Variants in ABLIM1 observed in about 807,000 individuals in gnomAD.
ABLIM1 encodes actin-binding LIM protein 1.
In ABLIM1, 40 loss-of-function variants were observed where a neutral mutation model predicts 107.0. That is an observed-to-expected ratio of 0.37 (90% CI 0.29 to 0.49). The LOEUF (loss-of-function observed/expected upper bound fraction) is 0.49. ABLIM1 is among the 20% of genes least tolerant of loss of function. The pLI is 0.97. For missense variants in ABLIM1, 857 were observed against 1,008.5 expected (o/e 0.85, Z 2.04); for synonymous variants, 357 against 357.3 (o/e 1.00, Z 0.01).
At chr10:114,474,135 C>T (rs2067111237) in intron 8 of ABLIM1, among the ~76,000 whole-genome samples, 179 bp from the exon 9 acceptor site, 2 of 152,152 alleles carry the variant, frequency 1.3e-5, no homozygotes, top group Non-Finnish European at 2.9e-5. Context: ...TTGTACGATC[C>T]AGTTTTGAAA....
chr10:114,721,004 G>A (rs1179561921), intron 1 of ABLIM1, among the ~76,000 whole-genome samples: 1 of 152,208 alleles, frequency 6.6e-6, no homozygotes, highest in Non-Finnish European at 1.5e-5. Context: ...CTAAGCCAGG[G>A]TCAGCACACC....
intron 1 of ABLIM1, among the ~76,000 whole-genome samples, chr10:114,745,929 G>T (rs1480443000): frequency 6.6e-6 from 1 of 152,114 alleles, no homozygotes; most frequent in Non-Finnish European, 1.5e-5. Context: ...AATATTAGAG[G>T]CTCCAAAACA....
intron 4 of ABLIM1, 80 bp from the exon 5 acceptor site, chr10:114,547,856 G>T: frequency 6.5e-7 from 1 of 1,543,082 alleles, no homozygotes; most frequent in Non-Finnish European, 8.8e-7. Context: ...CAACCCCACT[G>T]TGTGCCCATC....
chr10:114,475,264 A>G (rs1475449346), intron 8 of ABLIM1, among the ~76,000 whole-genome samples: 4 of 151,970 alleles, frequency 2.6e-5, no homozygotes, highest in Admixed American at 2.6e-4. Context: ...CTAGCTCCCA[A>G]TTTTACTTGG....
chr10:114,682,646 A>G (rs1159064031), intron 1 of ABLIM1, among the ~76,000 whole-genome samples: 1 of 152,178 alleles, frequency 6.6e-6, no homozygotes, highest in African/African-American at 2.4e-5. Context: ...CTGAGCTTCA[A>G]GTCAACTGCT....
At chr10:114,622,618 G>T (rs2077540953) in intron 1 of ABLIM1, among the ~76,000 whole-genome samples, 1 of 151,990 alleles carries the variant, frequency 6.6e-6, no homozygotes, top group South Asian at 2.1e-4. Context: ...ATAAACAGAA[G>T]AAAAAATACA....
At chr10:114,538,041 C>T (rs1180837853) in intron 6 of ABLIM1, among the ~76,000 whole-genome samples, 1 of 152,130 alleles carries the variant, frequency 6.6e-6, no homozygotes, top group Non-Finnish European at 1.5e-5. Flanking sequence ...ATAGCTTAGC[C>T]CAGAACAAGA....
intron 1 of ABLIM1, among the ~76,000 whole-genome samples, chr10:114,763,905 G>A (rs2082815363): frequency 6.6e-6 from 1 of 152,060 alleles, no homozygotes; most frequent in South Asian, 2.1e-4. Context: ...CAGTACCTTT[G>A]ATAAACACTC....
At chr10:114,723,458 A>G (rs964071130) in intron 1 of ABLIM1, among the ~76,000 whole-genome samples, 3 of 152,206 alleles carry the variant, frequency 2.0e-5, no homozygotes, top group Non-Finnish European at 2.9e-5. Context: ...ACCTTGGAGG[A>G]CAAATTTAGG....
chr10:114,651,590 C>T (rs2079245497), intron 1 of ABLIM1, among the ~76,000 whole-genome samples: 3 of 152,010 alleles, frequency 2.0e-5, no homozygotes, highest in Admixed American at 2.0e-4. Flanking sequence ...AAAGGCTTAA[C>T]CGTCAAGAGC....
intron 6 of ABLIM1, among the ~76,000 whole-genome samples, chr10:114,497,794 T>A (rs1402697714): frequency 6.6e-6 from 1 of 151,998 alleles, no homozygotes; most frequent in Non-Finnish European, 1.5e-5. Context: ...TATGAACAAC[T>A]GACAATTTGC....
intron 1 of ABLIM1, among the ~76,000 whole-genome samples, chr10:114,668,673 A>G (rs2080126468): frequency 6.6e-6 from 1 of 152,172 alleles, no homozygotes; most frequent in South Asian, 2.1e-4. Context: ...AGGCATCAAA[A>G]AGAATCCCAA....
intron 1 of ABLIM1, among the ~76,000 whole-genome samples, chr10:114,721,495 T>A (rs138506844): frequency 6.6e-6 from 1 of 152,270 alleles, no homozygotes; most frequent in East Asian, 1.9e-4. Context: ...AGATAATTTT[T>A]TTTTTTGAGA....
intron 13 of ABLIM1, 41 bp downstream of exon 13, chr10:114,453,338 C>T: frequency 6.3e-7 from 1 of 1,596,066 alleles, no homozygotes; most frequent in Non-Finnish European, 8.6e-7. Flanking sequence ...ACATTCTACA[C>T]TGTGACAGGA....
chr10:114,731,082 T>C (rs187000995), intron 1 of ABLIM1, among the ~76,000 whole-genome samples: 6 of 152,318 alleles, frequency 3.9e-5, no homozygotes, highest in Admixed American at 3.3e-4. Context: ...ATTTGAGTTG[T>C]TTGCAATTTT....
rs1018233681 is a variant in ABLIM1 at position 114,473,252 on chromosome 10, A to G, written c.1120-120T>C. On this transcript the variant is annotated intron_variant, in intron 9 of 22. Coordinates refer to ENST00000533213, the MANE Select transcript of ABLIM1 (RefSeq NM_002313.7). ...CCTTAAAATAAACAAAAACCAAAAC[A>G]TCTTGCCTAACACAGTTATACTCTT... 5 of 936,930 alleles carry G rather than the reference A, an allele frequency of 5.3e-6. No homozygotes were observed. The East Asian group carries it at 7.5e-5, about 14-fold the overall frequency. 58.0% of individuals were successfully genotyped at this position (936,930 alleles called of 1,614,324 possible).
At chr10:114,692,329 C>T (rs916010930) in intron 1 of ABLIM1, among the ~76,000 whole-genome samples, 2 of 152,230 alleles carry the variant, frequency 1.3e-5, no homozygotes, top group East Asian at 1.9e-4. Flanking sequence ...ATTTCTGAAA[C>T]TCTTCATGTC....
chr10:114,734,703 T>A (rs1173667489), intron 1 of ABLIM1, among the ~76,000 whole-genome samples: 3 of 152,176 alleles, frequency 2.0e-5, no homozygotes, highest in African/African-American at 7.2e-5. Flanking sequence ...CACCAAATCC[T>A]CATCTGATAA....
chr10:114,694,183 T>C (rs1437677528), intron 1 of ABLIM1, among the ~76,000 whole-genome samples: 1 of 152,242 alleles, frequency 6.6e-6, no homozygotes, highest in African/African-American at 2.4e-5. Flanking sequence ...CCCTACAGGA[T>C]CTGTCTGCTG....
Sources: allele counts gnomAD v4.1 joint callset (sites outside exome capture counted in the v4.1 genomes callset), GRCh38; gene constraint gnomAD v4.1.1; transcripts MANE v1.5; gene names NCBI Gene and HGNC (gene_info 2026-07-23, HGNC 2026-07-21).